The following CLYBL variants were observed in gnomAD, a reference collection of about 807,000 sequenced individuals.
CLYBL encodes the protein citramalyl-CoA lyase, mitochondrial.
A neutral mutation model predicts 38.9 loss-of-function variants in CLYBL; 31 were observed. That is an observed-to-expected ratio of 0.80 (90% CI 0.60 to 1.08). The LOEUF is 1.08. Ranked by LOEUF, CLYBL falls within the 50% of genes least tolerant of loss-of-function variation. The pLI is 0.00. For missense variants in CLYBL, 434 were observed against 411.6 expected (o/e 1.05, Z -0.47); for synonymous variants, 171 against 158.6 (o/e 1.08, Z -0.59).
intron 4 of CLYBL, 22 bp downstream of exon 4, chr13:99,863,114 T>G (rs180679163): frequency 1.5e-6 from 2 of 1,304,604 alleles, no homozygotes; most frequent in East Asian, 4.8e-5. Context: ...ATAATACGGT[T>G]AATAAGTTAG....
chr13:99,662,741 C>T (rs2047427686), intron 1 of CLYBL, among the ~76,000 whole-genome samples: 1 of 152,148 alleles, frequency 6.6e-6, no homozygotes, highest in African/African-American at 2.4e-5. Context: ...GTTACCCATT[C>T]TCACTGAGCA....
At chr13:99,854,934 T>C (rs1470136575) in intron 2 of CLYBL, among the ~76,000 whole-genome samples, 1 of 152,182 alleles carries the variant, frequency 6.6e-6, no homozygotes, top group Non-Finnish European at 1.5e-5. Context: ...CTGAGCAGCA[T>C]GGCACGAAAT....
chr13:99,703,653 C>T (rs1355851046), intron 1 of CLYBL, among the ~76,000 whole-genome samples: 2 of 152,214 alleles, frequency 1.3e-5, no homozygotes, highest in Admixed American at 6.5e-5. Context: ...CACATATGAG[C>T]CACTGTGCCT....
At chr13:99,749,702 A>G (rs2048919547) in intron 1 of CLYBL, among the ~76,000 whole-genome samples, 1 of 152,190 alleles carries the variant, frequency 6.6e-6, no homozygotes, top group Admixed American at 6.5e-5. Context: ...GGCCTTCCTG[A>G]AGCAGGCTGC....
chr13:99,648,674 T>G (rs1287732375), intron 1 of CLYBL, among the ~76,000 whole-genome samples: 13 of 152,222 alleles, frequency 8.5e-5, no homozygotes, highest in Non-Finnish European at 1.8e-4. Flanking sequence ...TATCAGTGTT[T>G]AGGGTCTTTT....
intron 9 of CLYBL, among the ~76,000 whole-genome samples, chr13:99,906,870 G>T (rs867512238): frequency 3.3e-5 from 5 of 152,190 alleles, no homozygotes; most frequent in African/African-American, 1.2e-4. Context: ...GCCCCACAGC[G>T]GGTGGCTTGG....
chr13:99,744,262 G>A (rs555316017), intron 1 of CLYBL, among the ~76,000 whole-genome samples: 28 of 152,054 alleles, frequency 1.8e-4, no homozygotes, highest in African/African-American at 6.3e-4. Flanking sequence ...GTGAGCCACC[G>A]CGCCCAGCTA....
At chr13:99,870,600 A>G (rs888031806) in intron 6 of CLYBL, among the ~76,000 whole-genome samples, 12 of 152,206 alleles carry the variant, frequency 7.9e-5, no homozygotes, top group African/African-American at 2.9e-4. Flanking sequence ...ATTTGCAGAC[A>G]TTATCCTTTA....
intron 2 of CLYBL, among the ~76,000 whole-genome samples, chr13:99,790,420 C>T (rs1008157798): frequency 6.6e-6 from 1 of 152,132 alleles, no homozygotes; most frequent in Non-Finnish European, 1.5e-5. Context: ...CAGCATTTGC[C>T]TGTCTGTAAA....
intron 1 of CLYBL, among the ~76,000 whole-genome samples, chr13:99,751,233 T>C (rs2048951223): frequency 6.6e-6 from 1 of 152,212 alleles, no homozygotes; most frequent in East Asian, 1.9e-4. Flanking sequence ...TTTTGTTTTT[T>C]TTTTTTAGAT....
chr13:99,630,480 A>C (rs894473733), intron 1 of CLYBL, among the ~76,000 whole-genome samples: 20 of 152,184 alleles, frequency 1.3e-4, no homozygotes, highest in African/African-American at 4.6e-4. Flanking sequence ...AAAGTGGAGA[A>C]GTTGGGGGCA....
intron 7 of CLYBL, among the ~76,000 whole-genome samples, chr13:99,882,952 T>C (rs567734274): frequency 6.6e-6 from 1 of 152,056 alleles, no homozygotes; most frequent in South Asian, 2.1e-4. Context: ...CACTCGGAAG[T>C]AGGGCTGGGC....
chr13:99,656,537 C>T (rs2047333438), intron 1 of CLYBL, among the ~76,000 whole-genome samples: 1 of 152,208 alleles, frequency 6.6e-6, no homozygotes, highest in African/African-American at 2.4e-5. Context: ...AGCCTCCCAC[C>T]TTGTTAGCTG....
chr13:99,882,335 T>A (rs2052231503), intron 7 of CLYBL, among the ~76,000 whole-genome samples: 2 of 152,172 alleles, frequency 1.3e-5, no homozygotes, highest in Admixed American at 1.3e-4. Context: ...TCATGCCTTC[T>A]GTACTATAGG....
At chr13:99,718,517 C>G (rs1202624379) in intron 1 of CLYBL, among the ~76,000 whole-genome samples, 3 of 152,104 alleles carry the variant, frequency 2.0e-5, no homozygotes, top group Non-Finnish European at 4.4e-5. Context: ...AAGTAACCAG[C>G]AAACCAATTC....
intron 9 of CLYBL, among the ~76,000 whole-genome samples, chr13:99,905,678 T>A (rs2052689101): frequency 1.3e-5 from 2 of 151,610 alleles, no homozygotes; most frequent in South Asian, 4.2e-4. Flanking sequence ...TAGATGGAAA[T>A]TTTCATGCAG....
At chr13:99,907,222 G>T (rs757261255) in intron 9 of CLYBL, among the ~76,000 whole-genome samples, 1 of 152,142 alleles carries the variant, frequency 6.6e-6, no homozygotes, top group Non-Finnish European at 1.5e-5. Context: ...AGGCTTCTTA[G>T]CTAAGTAACC....
intron 1 of CLYBL, among the ~76,000 whole-genome samples, chr13:99,722,040 T>C (rs1179708150): frequency 6.6e-6 from 1 of 152,260 alleles, no homozygotes; most frequent in Non-Finnish European, 1.5e-5. Flanking sequence ...TCCCTGCATT[T>C]GCTCTTAGCA....
At chr13:99,653,588 T>C (rs1475009190) in intron 1 of CLYBL, among the ~76,000 whole-genome samples, 2 of 152,244 alleles carry the variant, frequency 1.3e-5, no homozygotes, top group African/African-American at 4.8e-5. Context: ...GTGCATCTGT[T>C]TGGAAATTCA....
Sources: gnomAD v4.1 joint callset for allele counts (sites outside exome capture counted in the v4.1 genomes callset) on GRCh38, gnomAD v4.1.1 for gene constraint, MANE v1.5 for transcripts, NCBI Gene and HGNC (gene_info 2026-07-23, HGNC 2026-07-21) for gene names.